BBS9: variants seen among roughly 807,000 people sequenced by gnomAD.
BBS9 encodes the protein Bardet-Biedl syndrome 9, also known as protein PTHB1.
In BBS9, 89 loss-of-function variants were observed where a neutral mutation model predicts 117.7. The ratio of observed to expected loss-of-function variants is 0.76; its 90% CI spans 0.64 to 0.90. The LOEUF (loss-of-function observed/expected upper bound fraction) is 0.90. BBS9 is among the 40% of genes least tolerant of loss of function. The pLI is 0.00. For synonymous variants in BBS9, 379 were observed against 370.9 expected, an observed-to-expected ratio of 1.02 and a Z score of -0.25; for missense variants, 982 against 1,042.2, an observed-to-expected ratio of 0.94 and a Z score of 0.80.
intron 5 of BBS9, among the ~76,000 whole-genome samples, chr7:33,182,357 A>G (rs556202680): frequency 3.0e-4 from 45 of 152,306 alleles, no homozygotes; most frequent in African/African-American, 9.6e-4. Context: ...GGCACCAGAC[A>G]GAAGTGCAGA....
intron 4 of BBS9, among the ~76,000 whole-genome samples, chr7:33,174,477 T>C (rs1287320567): frequency 6.6e-6 from 1 of 152,172 alleles, no homozygotes; most frequent in African/African-American, 2.4e-5. Flanking sequence ...AGTAGAAGAT[T>C]TATAGACAGA....
chr7:33,550,353 A>G (rs925798663), intron 21 of BBS9, among the ~76,000 whole-genome samples: 4 of 152,190 alleles, frequency 2.6e-5, no homozygotes, highest in East Asian at 1.9e-4. Context: ...AACTCATCCA[A>G]TCAATTACTC....
intron 4 of BBS9, among the ~76,000 whole-genome samples, chr7:33,168,681 A>G (rs1583440554): frequency 6.6e-6 from 1 of 152,082 alleles, no homozygotes; most frequent in Admixed American, 6.6e-5. Context: ...TTCTATATTC[A>G]TCTTGTTTTT....
At chr7:33,182,747 G>C (rs994236482) in intron 5 of BBS9, among the ~76,000 whole-genome samples, 3 of 152,106 alleles carry the variant, frequency 2.0e-5, no homozygotes, top group Admixed American at 6.5e-5. Flanking sequence ...ACAGACAAAA[G>C]AAGATCCAAT....
chr7:33,275,336 G>A (rs1050476080), intron 9 of BBS9, among the ~76,000 whole-genome samples: 1 of 152,132 alleles, frequency 6.6e-6, no homozygotes, highest in African/African-American at 2.4e-5. Flanking sequence ...CTTTTGCAAT[G>A]TCCATCACAT....
chr7:33,226,005 A>G (rs1001455125), intron 5 of BBS9, among the ~76,000 whole-genome samples: 11 of 152,220 alleles, frequency 7.2e-5, no homozygotes, highest in African/African-American at 2.7e-4. Context: ...AAGCACCTTC[A>G]GTGGTTTTGT....
chr7:33,167,898 A>G (rs1427235137), intron 4 of BBS9, among the ~76,000 whole-genome samples: 2 of 152,212 alleles, frequency 1.3e-5, no homozygotes, highest in Non-Finnish European at 2.9e-5. Flanking sequence ...AATAACTTTA[A>G]ATGATTATAA....
chr7:33,258,897 G>A (rs1235930774), intron 6 of BBS9, among the ~76,000 whole-genome samples: 2 of 152,064 alleles, frequency 1.3e-5, no homozygotes, highest in Non-Finnish European at 2.9e-5. Context: ...TTTAACTGTG[G>A]TAAGTCTCCA....
At chr7:33,136,525 C>T (rs1790489089) in intron 1 of BBS9, among the ~76,000 whole-genome samples, 1 of 151,978 alleles carries the variant, frequency 6.6e-6, no homozygotes, top group African/African-American at 2.4e-5. Flanking sequence ...TGTGAGGAAC[C>T]TTCTATTCCT....
chr7:33,333,594 T>C (rs570920387), intron 9 of BBS9, among the ~76,000 whole-genome samples: 1 of 152,044 alleles, frequency 6.6e-6, no homozygotes, highest in Non-Finnish European at 1.5e-5. Context: ...TACTCAGCCA[T>C]AAAAATAAAC....
At chr7:33,484,471 T>A (rs1282237447) in intron 19 of BBS9, among the ~76,000 whole-genome samples, 1 of 152,210 alleles carries the variant, frequency 6.6e-6, no homozygotes, top group East Asian at 1.9e-4. Flanking sequence ...GTTTTTGTGT[T>A]TGCTTTTTTG....
chr7:33,441,141 A>G (rs1370483986), intron 19 of BBS9, among the ~76,000 whole-genome samples: 5 of 152,228 alleles, frequency 3.3e-5, no homozygotes, highest in Non-Finnish European at 7.3e-5. Context: ...AGATTGTTAT[A>G]TAACAAGTAG....
At chr7:33,200,676 T>G (rs548901579) in intron 5 of BBS9, among the ~76,000 whole-genome samples, 19 of 152,324 alleles carry the variant, frequency 1.2e-4, no homozygotes, top group African/African-American at 4.6e-4. Context: ...GAGACCTTCC[T>G]GTTATCTAGA....
At chr7:33,582,481 T>C (rs1563399376) in intron 21 of BBS9, among the ~76,000 whole-genome samples, 1 of 151,966 alleles carries the variant, frequency 6.6e-6, no homozygotes, top group African/African-American at 2.4e-5. Flanking sequence ...AAGGATGATA[T>C]GATCACTGTT....
chr7:33,228,873 G>A (rs1791798861), intron 5 of BBS9, among the ~76,000 whole-genome samples: 1 of 151,980 alleles, frequency 6.6e-6, no homozygotes, highest in Admixed American at 6.6e-5. Context: ...TGGCAGAGGT[G>A]GAAGAAACTC....
chr7:33,322,356 C>CT (rs35411730), intron 9 of BBS9, among the ~76,000 whole-genome samples: 3,465 of 73,784 alleles, frequency 0.047, 126 homozygotes, highest in East Asian at 0.11. Flanking sequence ...GGGTCTCAGG[C>CT]TTTTTTTTTT....
intron 21 of BBS9, among the ~76,000 whole-genome samples, chr7:33,632,747 T>C (rs3735416): frequency 0.27 from 41,364 of 151,964 alleles, 6,441 homozygotes; most frequent in East Asian, 0.43. Context: ...GTGTTGGCTT[T>C]AATGTACATA....
At chr7:33,322,827 G>A (rs1253405557) in intron 9 of BBS9, among the ~76,000 whole-genome samples, 1 of 151,920 alleles carries the variant, frequency 6.6e-6, no homozygotes, top group Non-Finnish European at 1.5e-5. Flanking sequence ...GCATCATTAG[G>A]TTGTTTATTT....
chr7:33,607,203 A>T (rs1229514155), downstream of BBS9, among the ~76,000 whole-genome samples: 1 of 152,152 alleles, frequency 6.6e-6, no homozygotes, highest in Non-Finnish European at 1.5e-5. Flanking sequence ...CTAATCTCCT[A>T]AAAGAAGTCA....
Sources: allele counts gnomAD v4.1 joint callset (sites outside exome capture counted in the v4.1 genomes callset), GRCh38; gene constraint gnomAD v4.1.1; transcripts MANE v1.5; gene names NCBI Gene and HGNC (gene_info 2026-07-23, HGNC 2026-07-21).